KSR2: variants seen among roughly 807,000 people sequenced by gnomAD.
KSR2 encodes the protein kinase suppressor of ras 2.
A neutral mutation model predicts 107.8 loss-of-function variants in KSR2; 25 were observed. That is an observed-to-expected ratio of 0.23 (90% CI 0.17 to 0.32). The LOEUF is 0.32. Ranked by LOEUF, KSR2 falls within the 10% of genes least tolerant of loss-of-function variation. The pLI is 1.00. For missense variants in KSR2, 887 were observed against 1,268.9 expected (o/e 0.70, Z 4.57); for synonymous variants, 480 against 507.0 (o/e 0.95, Z 0.71).
At chr12:117,707,078 C>A (rs1371830912) in intron 4 of KSR2, among the ~76,000 whole-genome samples, 1 of 152,080 alleles carries the variant, frequency 6.6e-6, no homozygotes, top group Non-Finnish European at 1.5e-5. Context: ...AAGGAATGCA[C>A]ACTACATGAA....
rs531576316 is a variant in KSR2, at chr12:117,468,521, TA to T, written c.2846+1140del. On this transcript the variant is annotated intron_variant, in intron 19 of 19. Transcript: ENST00000339824. The stretch of plus-strand genomic sequence containing the variant: ...AAGCTCAAATGGCAGGGGAAGGGAG[TA>T]AAAAAAGAGCCTCCTAATGTCCACA... 6.2e-3 allele frequency among the ~76,000 whole-genome samples: 942 copies of T among 151,576 alleles called. 8 individuals are homozygous for T. Among genetic ancestry groups the T allele is most frequent in the African/African-American group, 0.021 (881 of 41,288 alleles).
At chr12:117,814,442 G>C (rs1297347247) in intron 3 of KSR2, among the ~76,000 whole-genome samples, 2 of 152,018 alleles carry the variant, frequency 1.3e-5, no homozygotes, top group Admixed American at 6.6e-5. Context: ...TGGGAGATGT[G>C]GTCAATCATC....
Position 117,897,395 on chromosome 12 carries a change from C to T in KSR2, c.181-36964G>A, listed in dbSNP as rs979191225. Among the ~76,000 whole-genome samples the T allele has an allele frequency of 1.2e-4, 18 of 152,148 alleles. No individual in the cohort carries two copies. Among genetic ancestry groups the T allele is most frequent in the Admixed American group, 6.5e-4 (10 of 15,274 alleles). The stretch of plus-strand genomic sequence containing the variant: ...CTTCTTTTAAGAAAAAAAGAAAGCG[C>T]TCCAGCCTACCCAGCACTCTCCATT... On this transcript the variant is annotated intron_variant, in intron 1 of 19. Transcript: ENST00000339824. The surrounding 1 kb of genome is among the most constrained non-coding windows in gnomAD (Gnocchi z 4.5).
At chr12:117,917,386 T>A (rs953996835) in intron 1 of KSR2, among the ~76,000 whole-genome samples, 1 of 152,040 alleles carries the variant, frequency 6.6e-6, no homozygotes, top group African/African-American at 2.4e-5. Context: ...AAAAAATTTT[T>A]TTTTAATTAG....
At chr12:117,722,773 G>T (rs1203442866) in intron 4 of KSR2, among the ~76,000 whole-genome samples, 1 of 152,124 alleles carries the variant, frequency 6.6e-6, no homozygotes, top group Non-Finnish European at 1.5e-5. Context: ...TTACTGTATG[G>T]ATTCACCCTG....
At chr12:117,650,174 C>G (rs370487191) in intron 5 of KSR2, among the ~76,000 whole-genome samples, 1 of 152,152 alleles carries the variant, frequency 6.6e-6, no homozygotes, top group South Asian at 2.1e-4. Context: ...AATCAGCTTC[C>G]AGGGAATATA....
In KSR2 at chr12:117,502,159, G is replaced by A. The variant is rs1592933172; in HGVS notation, c.2220-16468C>T. On this transcript the variant is annotated intron_variant, in intron 14 of 19. Coordinates refer to ENST00000339824, the MANE Select transcript of KSR2 (RefSeq NM_173598.6). ...TGAGTGCAGGTGTATGTCTGCGTCTGTGACTATTTATGCACACATGAACAC... is the reference window on the plus strand; with the variant it reads ...TGAGTGCAGGTGTATGTCTGCGTCTATGACTATTTATGCACACATGAACAC... Among the ~76,000 whole-genome samples, 5 of 152,348 alleles carry A rather than the reference G, an allele frequency of 3.3e-5. No individual in the cohort carries two copies. The South Asian group carries it at 6.2e-4, about 19-fold the overall frequency.
At chr12:117,798,408 G>A (rs375031787) in intron 3 of KSR2, among the ~76,000 whole-genome samples, 22 of 152,282 alleles carry the variant, frequency 1.4e-4, no homozygotes, top group African/African-American at 3.6e-4. Flanking sequence ...CAAGGCAGGC[G>A]GATCACTTGA....
intron 1 of KSR2, among the ~76,000 whole-genome samples, chr12:117,947,234 A>G (rs1896222538): frequency 8.2e-6 from 1 of 121,632 alleles, no homozygotes; most frequent in Non-Finnish European, 1.7e-5. Context: ...AGAAAGAAAG[A>G]AAGAAAGAAA....
chr12:117,484,099 A>C (rs1872322829), intron 16 of KSR2, among the ~76,000 whole-genome samples: 1 of 152,208 alleles, frequency 6.6e-6, no homozygotes, highest in South Asian at 2.1e-4. Flanking sequence ...GGGTGATCTC[A>C]ACTTCCAAGT....
At chr12:117,687,845 T>C (rs1275518691) in intron 4 of KSR2, among the ~76,000 whole-genome samples, 2 of 152,214 alleles carry the variant, frequency 1.3e-5, no homozygotes, top group East Asian at 3.9e-4. Context: ...AATCTAGTAG[T>C]GGTCCCTCCC....
intron 3 of KSR2, among the ~76,000 whole-genome samples, chr12:117,792,631 G>A (rs1189676840): frequency 2.0e-5 from 3 of 152,166 alleles, no homozygotes; most frequent in African/African-American, 7.2e-5. Context: ...TCCCAGCCCC[G>A]CGGCCCCTGC....
At chr12:117,811,411 C>T (rs1891185402) in intron 3 of KSR2, among the ~76,000 whole-genome samples, 1 of 152,242 alleles carries the variant, frequency 6.6e-6, no homozygotes, top group Non-Finnish European at 1.5e-5. Context: ...GCATCGGCAA[C>T]ACCTGAGGAC....
chr12:117,570,837 T>A (rs1878843223), intron 7 of KSR2, among the ~76,000 whole-genome samples: 2 of 152,238 alleles, frequency 1.3e-5, no homozygotes, highest in African/African-American at 2.4e-5. Context: ...GGCCAGGACC[T>A]GAACTCAGCT....
chr12:117,732,670 G>A (rs1343193032), intron 4 of KSR2, among the ~76,000 whole-genome samples: 2 of 152,178 alleles, frequency 1.3e-5, no homozygotes, highest in African/African-American at 4.8e-5. Flanking sequence ...CATGCTGGAA[G>A]GAGGCCTCAG....
intron 7 of KSR2, among the ~76,000 whole-genome samples, chr12:117,568,189 C>T (rs553493294): frequency 1.3e-5 from 2 of 152,178 alleles, no homozygotes; most frequent in Non-Finnish European, 2.9e-5. Flanking sequence ...CCCTCCTCTC[C>T]TCTCCCTCGC....
chr12:117,523,947 G>A (rs988275585), intron 14 of KSR2, among the ~76,000 whole-genome samples: 17 of 152,186 alleles, frequency 1.1e-4, no homozygotes, highest in African/African-American at 3.9e-4. Context: ...ACTCCAGCCT[G>A]GGCAAGAAGA....
chr12:117,787,911 A>G (rs1207841721), intron 3 of KSR2, among the ~76,000 whole-genome samples: 3 of 152,228 alleles, frequency 2.0e-5, no homozygotes, highest in African/African-American at 7.2e-5. Context: ...AATAATAAAC[A>G]TTTGCTCTTT....
intron 16 of KSR2, among the ~76,000 whole-genome samples, chr12:117,481,008 G>A (rs1174363142): frequency 1.3e-5 from 2 of 152,106 alleles, no homozygotes; most frequent in African/African-American, 4.8e-5. Flanking sequence ...GCTGCAGTGA[G>A]CCGTGATTGC....
Sources: gnomAD v4.1 joint callset for allele counts (sites outside exome capture counted in the v4.1 genomes callset) on GRCh38, gnomAD v4.1.1 for gene constraint, Gnocchi (gnomAD v3.1) non-coding constraint, MANE v1.5 for transcripts, NCBI Gene and HGNC (gene_info 2026-07-23, HGNC 2026-07-21) for gene names.